PKN2: variants seen among roughly 807,000 people sequenced by gnomAD.
PKN2 encodes the protein protein kinase N2.
A neutral mutation model predicts 119.1 loss-of-function variants in PKN2; 38 were observed. The observed-to-expected ratio is 0.32, with a 90% CI of 0.25 to 0.42. PKN2 has a LOEUF of 0.42. PKN2 is among the 10% of genes least tolerant of loss of function. The pLI is 1.00. For missense variants in PKN2, 850 were observed against 1,165.1 expected, an observed-to-expected ratio of 0.73 and a Z score of 3.94; for synonymous variants, 390 against 384.9, an observed-to-expected ratio of 1.01 and a Z score of -0.15.
intron 6 of PKN2, among the ~76,000 whole-genome samples, chr1:88,777,869 A>G (rs749559008): frequency 1.3e-5 from 2 of 152,216 alleles, no homozygotes; most frequent in African/African-American, 2.4e-5. Context: ...CTTTCAGTAG[A>G]TAAGAAACAT....
intron 8 of PKN2, 122 bp downstream of exon 8, chr1:88,786,335 T>C: frequency 1.8e-6 from 1 of 547,428 alleles, no homozygotes; most frequent in South Asian, 2.9e-5. Flanking sequence ...CTTAGATTTT[T>C]TTTTTACATT....
At chr1:88,773,225 C>CTT (rs529309827) in intron 6 of PKN2, among the ~76,000 whole-genome samples, 6,599 of 144,804 alleles carry the variant, frequency 0.046, 320 homozygotes, top group African/African-American at 0.12. Context: ...TTCTGTCAGT[C>CTT]TTTTTTTTTT....
At chr1:88,763,025 A>G (rs1014831087) in intron 3 of PKN2, among the ~76,000 whole-genome samples, 25 of 152,202 alleles carry the variant, frequency 1.6e-4, no homozygotes, top group Non-Finnish European at 2.9e-4. Flanking sequence ...GTCATTTTCA[A>G]TTAAAAGCCA....
chr1:88,836,091 T>G lies in PKN2; in HGVS notation c.*2643T>G, dbSNP rs1288700388. On this transcript the variant is annotated 3_prime_UTR_variant, in exon 22 of 22. Transcript: ENST00000370521. ...GTGTATAGATACTGAGAATAGGAAGTTTTTTTTTTTAAAGCAACAAAATGT... is the reference window on the plus strand; with the variant it reads ...GTGTATAGATACTGAGAATAGGAAGGTTTTTTTTTTAAAGCAACAAAATGT... 3 of 146,530 alleles carry G rather than the reference T, an allele frequency of 2.0e-5. No individual in the cohort carries two copies. Among genetic ancestry groups the G allele is most frequent in the Non-Finnish European group, 4.5e-5 (3 of 66,042 alleles). 9.1% of individuals were successfully genotyped at this position (146,530 alleles called of 1,614,324 possible). A position where few individuals can be genotyped will look rare whatever the true frequency, so the allele number is the denominator to read the frequency against.
chr1:88,827,636 T>TCCCTC (rs1196888549), intron 18 of PKN2, among the ~76,000 whole-genome samples: 1,038 of 75,092 alleles, frequency 0.014, 44 homozygotes, highest in Admixed American at 0.13. Flanking sequence ...TCCCTTCCCT[T>TCCCTC]CCCTCCCCTC....
At chr1:88,793,909 G>T (rs1478415375) in intron 8 of PKN2, among the ~76,000 whole-genome samples, 2 of 152,146 alleles carry the variant, frequency 1.3e-5, no homozygotes, top group Admixed American at 1.3e-4. Context: ...GTCGTGGTTG[G>T]TTTAATCCAC....
At chr1:88,769,769 A>G (rs1669810051) in intron 3 of PKN2, among the ~76,000 whole-genome samples, 1 of 152,226 alleles carries the variant, frequency 6.6e-6, no homozygotes, top group African/African-American at 2.4e-5. Flanking sequence ...AGCTGAATAA[A>G]TAGAAACAGA....
At chr1:88,774,564 G>A (rs6661703) in intron 6 of PKN2, among the ~76,000 whole-genome samples, 10,153 of 151,604 alleles carry the variant, frequency 0.067, 693 homozygotes, top group African/African-American at 0.18. Flanking sequence ...CAGAAACCAG[G>A]GACAAAAACC....
At chr1:88,725,797 C>T (rs947450856) in intron 1 of PKN2, among the ~76,000 whole-genome samples, 1 of 152,166 alleles carries the variant, frequency 6.6e-6, no homozygotes, top group Non-Finnish European at 1.5e-5. Flanking sequence ...ACGAACTCTT[C>T]ACTTAACCCC....
At chr1:88,684,885 A>G in intron 1 of PKN2, 1 of 409,216 alleles carries the variant, frequency 2.4e-6, no homozygotes, top group Non-Finnish European at 4.4e-6. Flanking sequence ...CCATCTCTGC[A>G]GCCCTGCTGC....
chr1:88,735,869 T>A (rs978300985), intron 1 of PKN2, among the ~76,000 whole-genome samples: 6 of 152,164 alleles, frequency 3.9e-5, no homozygotes, highest in African/African-American at 1.4e-4. Flanking sequence ...ATAATTTGTA[T>A]CTTTCTCTAG....
chr1:88,828,892 GTCATTTTATAGGGAA>G (rs1279390609), intron 19 of PKN2: 6 of 608,496 alleles, frequency 9.9e-6, no homozygotes. Flanking sequence ...TTAAGACATA[GTCATTTTATAGGGAA>G]TGGAATAACA....
At chr1:88,751,223 T>TG (rs1243285534) in intron 2 of PKN2, among the ~76,000 whole-genome samples, 2 of 151,930 alleles carry the variant, frequency 1.3e-5, no homozygotes, top group African/African-American at 4.8e-5. Flanking sequence ...ATCTAGGTGA[T>TG]GGGTATATAG....
chr1:88,751,005 A>G (rs760034551), intron 2 of PKN2, among the ~76,000 whole-genome samples: 24 of 152,246 alleles, frequency 1.6e-4, no homozygotes, highest in Non-Finnish European at 2.2e-4. Context: ...AAACTTTTCA[A>G]TGGATCTTCA....
intron 15 of PKN2, among the ~76,000 whole-genome samples, chr1:88,810,238 A>T (rs943800286): frequency 6.6e-5 from 10 of 151,798 alleles, no homozygotes; most frequent in African/African-American, 2.4e-4. Flanking sequence ...CTTTTGCCTC[A>T]GCCTCCCTAG....
chr1:88,747,715 C>G (rs917017973), intron 2 of PKN2, among the ~76,000 whole-genome samples: 1 of 152,008 alleles, frequency 6.6e-6, no homozygotes, highest in African/African-American at 2.4e-5. Context: ...TCAAACCCCA[C>G]CAAACTTAGA....
chr1:88,722,269 C>A (rs926474580), intron 1 of PKN2, among the ~76,000 whole-genome samples: 22 of 152,130 alleles, frequency 1.4e-4, no homozygotes, highest in African/African-American at 5.3e-4. Context: ...GTATAATATT[C>A]TTTTATGCTT....
chr1:88,830,370 T>A (rs1238877856), intron 19 of PKN2, among the ~76,000 whole-genome samples: 1 of 152,168 alleles, frequency 6.6e-6, no homozygotes, highest in East Asian at 1.9e-4. Flanking sequence ...CACAGTGGCT[T>A]TTACTTTCTG....
intron 2 of PKN2, among the ~76,000 whole-genome samples, chr1:88,744,572 C>T (rs1238441431): frequency 1.3e-5 from 2 of 152,178 alleles, no homozygotes; most frequent in Non-Finnish European, 2.9e-5. Flanking sequence ...AGGCTCCATG[C>T]CACCACAGCC....
Sources: allele counts gnomAD v4.1 joint callset (sites outside exome capture counted in the v4.1 genomes callset), GRCh38; gene constraint gnomAD v4.1.1; transcripts MANE v1.5; gene names NCBI Gene and HGNC (gene_info 2026-07-23, HGNC 2026-07-21).